Variants in WSB1 observed in about 807,000 individuals in gnomAD.
WSB1 encodes WD repeat and SOCS box-containing protein 1.
WSB1 carries 23 observed loss-of-function variants against 50.2 expected under a neutral mutation model. The observed-to-expected ratio is 0.46, with a 90% CI of 0.33 to 0.65. The LOEUF (loss-of-function observed/expected upper bound fraction) is 0.65. Ranked by LOEUF, WSB1 falls within the 30% of genes least tolerant of loss-of-function variation. The pLI, the probability that WSB1 is intolerant of heterozygous loss-of-function variation, is 0.02. For missense variants in WSB1, 492 were observed against 522.3 expected, an observed-to-expected ratio of 0.94 and a Z score of 0.56; for synonymous variants, 179 against 172.0, an observed-to-expected ratio of 1.04 and a Z score of -0.32.
chr17:27,300,590 TAAA>T (rs1306549577), intron 1 of WSB1, among the ~76,000 whole-genome samples: 1 of 152,178 alleles, frequency 6.6e-6, no homozygotes, highest in Non-Finnish European at 1.5e-5. Context: ...TTTTTGTCCT[TAAA>T]AACCAAAATA....
At chr17:27,310,421 G>T (rs2017631508) in intron 7 of WSB1, among the ~76,000 whole-genome samples, 1 of 145,048 alleles carries the variant, frequency 6.9e-6, no homozygotes, top group South Asian at 2.3e-4. Context: ...TCAGCTTTTA[G>T]CCCAGCTTAC....
Position 27,301,856 on chromosome 17 carries a change from A to C in WSB1, c.109A>C (p.Asn37His), listed in dbSNP as rs771602094. Reference sequence around the variant, plus strand: ...TTTTGACAAGAAATGTGGTCGTGAAAATTGGACTGTTGCTTTTGCTCCAGA... The same window carrying C: ...TTTTGACAAGAAATGTGGTCGTGAACATTGGACTGTTGCTTTTGCTCCAGA... Reference protein sequence around the residue: ...APFDKKCGRENWTVAFAPDGS... With the variant: ...APFDKKCGREHWTVAFAPDGS... The change falls in exon 2 of 9, where the codon AAT becomes CAT. Residue 37 changes from asparagine (N) to histidine (H), a missense_variant. Physicochemically the swap from Asn to His is moderately conservative, Grantham distance 68. Transcript: ENST00000262394. 6.2e-7 allele frequency: 1 copy of C among 1,614,104 alleles called. No homozygotes were observed. Among genetic ancestry groups the C allele is most frequent in the Admixed American group, 1.7e-5 (1 of 60,010 alleles).
chr17:27,303,523 A>C lies in WSB1; in HGVS notation c.366A>C (p.Lys122Asn). 2 of 1,614,178 alleles carry C rather than the reference A, an allele frequency of 1.2e-6. No homozygotes were observed. The highest frequency in any genetic ancestry group is 1.7e-6 in the Non-Finnish European group (2 of 1,180,030). Reference protein sequence around the residue: ...SLAFGSSVPEKQSRCVNIEWH... With the variant: ...SLAFGSSVPENQSRCVNIEWH... ...CTTTTGGGTCATCAGTTCCAGAAAA[A>C]CAGAGTCGCTGTGTAAATATAGAAT... The change falls in exon 3 of 9, where the codon AAA becomes AAC. Residue 122 changes from lysine (K) to asparagine (N), a missense_variant. Coordinates refer to ENST00000262394, the MANE Select transcript of WSB1 (RefSeq NM_015626.10).
intron 1 of WSB1, among the ~76,000 whole-genome samples, chr17:27,295,242 C>T (rs1450476355): frequency 6.6e-6 from 1 of 152,192 alleles, no homozygotes; most frequent in African/African-American, 2.4e-5. Context: ...TGTACATTGG[C>T]TGATAACACT....
intron 4 of WSB1, among the ~76,000 whole-genome samples, chr17:27,306,202 CTTTTT>C (rs907711059): frequency 4.1e-4 from 26 of 63,140 alleles, no homozygotes; most frequent in African/African-American, 1.4e-3. Context: ...AGAATTCTGT[CTTTTT>C]TTTTTTTTTT....
chr17:27,295,557 A>G (rs976347778), intron 1 of WSB1, among the ~76,000 whole-genome samples: 3 of 152,138 alleles, frequency 2.0e-5, no homozygotes, highest in Non-Finnish European at 4.4e-5. Context: ...CACAGAAAAA[A>G]AAGGGAAAAA....
chr17:27,302,079 A>T lies in WSB1; in HGVS notation c.209+123A>T, dbSNP rs546184918. On this transcript the variant is annotated intron_variant, in intron 2 of 8. Transcript: ENST00000262394. ...CTTTATAGATGATGTCGTGAGTTTTAATCATGGGCTGAATATATTTATTGG... is the reference window on the plus strand; with the variant it reads ...CTTTATAGATGATGTCGTGAGTTTTTATCATGGGCTGAATATATTTATTGG... 108 of 1,202,256 alleles carry T rather than the reference A, an allele frequency of 9.0e-5. No homozygotes were observed. In the South Asian group the frequency reaches 1.7e-3, roughly 19 times the overall value. 74.5% of individuals were successfully genotyped at this position (1,202,256 alleles called of 1,614,324 possible). A position where few individuals can be genotyped will look rare whatever the true frequency, so the allele number is the denominator to read the frequency against.
rs775426843 is a variant in WSB1 at position 27,306,779 on chromosome 17, C to G, written c.611-3C>G. ...TTAATACAGATTATTTCTTTTTGTTCAGGAAACATGATGAAAGTATTGAGG... is the reference window on the plus strand; with the variant it reads ...TTAATACAGATTATTTCTTTTTGTTGAGGAAACATGATGAAAGTATTGAGG... On this transcript the variant is annotated splice_polypyrimidine_tract_variant and splice_region_variant and intron_variant, in intron 4 of 8. Transcript: ENST00000262394. 7 of 1,613,150 alleles carry G rather than the reference C, an allele frequency of 4.3e-6. No homozygotes were observed. Among genetic ancestry groups the G allele is most frequent in the Non-Finnish European group, 5.9e-6 (7 of 1,179,688 alleles).
intron 1 of WSB1, chr17:27,297,137 T>A (rs1212750465): frequency 1.3e-5 from 2 of 152,180 alleles, no homozygotes; most frequent in African/African-American, 2.4e-5. Flanking sequence ...TTTGAACCAA[T>A]TTTTTAGTAA....
At chr17:27,306,728 C>G in intron 4 of WSB1, 54 bp from the exon 5 acceptor site, 1 of 1,546,256 alleles carries the variant, frequency 6.5e-7, no homozygotes, top group Non-Finnish European at 8.9e-7. Context: ...TTTTGAAATA[C>G]TGCTCATTTG....
chr17:27,306,090 C>CAA (rs970078613), intron 4 of WSB1, among the ~76,000 whole-genome samples: 1 of 149,956 alleles, frequency 6.7e-6, no homozygotes, highest in Admixed American at 6.7e-5. Context: ...TGTAGGTTCT[C>CAA]AAAAATGAAG....
Position 27,309,154 on chromosome 17 carries a change from C to G in WSB1, c.766C>G (p.His256Asp), listed in dbSNP as rs1181927220. 2 of 1,612,932 alleles carry G rather than the reference C, an allele frequency of 1.2e-6. No homozygotes were observed. The highest frequency in any genetic ancestry group is 1.7e-5 in the Admixed American group (1 of 59,742). Residue 256 changes from histidine (H) to aspartate (D), a missense_variant, in exon 6 of 9, where the codon CAC becomes GAC. His to Asp is a moderately conservative substitution (Grantham distance 81, BLOSUM62 -1). Transcript: ENST00000262394. ...CATGATACGGAAACTAGAAGGACATCACCATGATGTGGTAGCTTGTGACTT... is the reference window on the plus strand; with the variant it reads ...CATGATACGGAAACTAGAAGGACATGACCATGATGTGGTAGCTTGTGACTT... The part of the protein sequence containing the change: ...YTMIRKLEGH[H>D]HDVVACDFSP...
At chr17:27,299,168 A>G (rs963301679) in intron 1 of WSB1, among the ~76,000 whole-genome samples, 1 of 152,224 alleles carries the variant, frequency 6.6e-6, no homozygotes, top group African/African-American at 2.4e-5. Flanking sequence ...TTCTGAAATC[A>G]TTTGTATGTT....
At chr17:27,309,392 G>T in intron 6 of WSB1, 120 bp downstream of exon 6, 4 of 942,846 alleles carry the variant, frequency 4.2e-6, no homozygotes, top group South Asian at 2.1e-5. Context: ...TTAAAATGTT[G>T]GTATTATTTA....
chr17:27,308,599 C>G, intron 5 of WSB1: 1 of 985,868 alleles, frequency 1.0e-6, no homozygotes, highest in Non-Finnish European at 1.2e-6. Context: ...TGTTTCTCTT[C>G]CTAGGCTCAA....
rs1597775588 is a variant in WSB1, at chr17:27,315,071, T to C, written c.*2702T>C. 1 of 150,758 alleles carries C rather than the reference T, an allele frequency of 6.6e-6. No individual in the cohort carries two copies. The highest frequency in any genetic ancestry group is 2.5e-5 in the African/African-American group (1 of 40,102). The allele number at this position is 150,758 out of a possible 1,614,324, so 9.3% of individuals were successfully genotyped here. A position where few individuals can be genotyped will look rare whatever the true frequency, so the allele number is the denominator to read the frequency against. On this transcript the variant is annotated 3_prime_UTR_variant, in exon 9 of 9. Transcript: ENST00000262394. ...CCAGTGTGAAAGGAAGATTGCAGCG[T>C]ATATGTCAAGTAGAAACATGTTTGA...
intron 4 of WSB1, 140 bp from the exon 5 acceptor site, chr17:27,306,642 G>T (rs2017471898): frequency 5.6e-6 from 4 of 716,576 alleles, no homozygotes; most frequent in Non-Finnish European, 6.9e-6. Context: ...CTAAGCAGCT[G>T]GTGTATATCG....
intron 3 of WSB1, among the ~76,000 whole-genome samples, chr17:27,304,101 T>A (rs1440525550): frequency 6.6e-6 from 1 of 152,228 alleles, no homozygotes; most frequent in African/African-American, 2.4e-5. Flanking sequence ...GTGTTGCTTA[T>A]TGCCTAAAAC....
At chr17:27,294,520 A>G in intron 1 of WSB1, 85 bp downstream of exon 1, 2 of 1,568,386 alleles carry the variant, frequency 1.3e-6, no homozygotes, top group South Asian at 1.1e-5. Context: ...AAGCGACTCC[A>G]AGTCTGAGGG....
Sources: gnomAD v4.1 joint callset for allele counts (sites outside exome capture counted in the v4.1 genomes callset) on GRCh38, gnomAD v4.1.1 for gene constraint, MANE v1.5 for transcripts, NCBI Gene and HGNC (gene_info 2026-07-23, HGNC 2026-07-21) for gene names.